The following GJA3 variants were observed in gnomAD, a reference collection of about 807,000 sequenced individuals.
GJA3 encodes gap junction alpha-3 protein.
For missense variants in GJA3, 571 were observed against 620.3 expected, an observed-to-expected ratio of 0.92 and a Z score of 0.84; for synonymous variants, 297 against 292.6, an observed-to-expected ratio of 1.02 and a Z score of -0.15.
Position 20,147,573 on chromosome 13 carries a change from GA to G in GJA3, c.-17-4269del, listed in dbSNP as rs532149334. On this transcript the variant is annotated intron_variant, in intron 1 of 1. Coordinates refer to ENST00000241125, the MANE Select transcript of GJA3 (RefSeq NM_021954.4). ...TTATACACTCTCTTACGTGGACACA[GA>G]AAAAGGAAGAATGATACTGAAATGT... Among the ~76,000 whole-genome samples, 25 of 152,302 alleles carry G rather than the reference GA, an allele frequency of 1.6e-4. No homozygotes were observed. In the East Asian group the frequency reaches 4.4e-3, roughly 27 times the overall value.
chr13:20,148,403 G>T (rs1958856526), intron 1 of GJA3, among the ~76,000 whole-genome samples: 1 of 152,050 alleles, frequency 6.6e-6, no homozygotes, highest in African/African-American at 2.4e-5. Context: ...GGGACTACAG[G>T]TATGCACCAT....
At chr13:20,150,079 TAG>T (rs1958867611) in intron 1 of GJA3, among the ~76,000 whole-genome samples, 1 of 152,060 alleles carries the variant, frequency 6.6e-6, no homozygotes, top group Non-Finnish European at 1.5e-5. Flanking sequence ...AGCGTCTGAC[TAG>T]AGTCAGGGAA....
At chr13:20,145,908 C>A (rs1245461704) in intron 1 of GJA3, among the ~76,000 whole-genome samples, 2 of 152,176 alleles carry the variant, frequency 1.3e-5, no homozygotes, top group Non-Finnish European at 2.9e-5. Context: ...CCTCCCACAG[C>A]CCCACCTGCC....
chr13:20,149,385 T>C (rs1958863280), intron 1 of GJA3, among the ~76,000 whole-genome samples: 1 of 151,992 alleles, frequency 6.6e-6, no homozygotes, highest in Admixed American at 6.6e-5. Flanking sequence ...CGTGGGGGGC[T>C]GTGGTGGGAG....
At position 20,139,519 on chromosome 13, in the gene GJA3, T is replaced by A. The variant is rs960335625; in HGVS notation, c.*2462A>T. On this transcript the variant is annotated 3_prime_UTR_variant, in exon 2 of 2. Transcript: ENST00000241125. The stretch of plus-strand genomic sequence containing the variant: ...GAGAAGGACCCAGCCTTTAGAATCA[T>A]GGATACCTCAAAGAGCAAAAGGATG... 6.6e-6 allele frequency: 1 copy of A among 152,216 alleles called. No individual in the cohort carries two copies. 9.4% of individuals were successfully genotyped at this position (152,216 alleles called of 1,614,324 possible).
In GJA3 at chr13:20,147,666, C is replaced by T. The variant is rs1593336335; in HGVS notation, c.-17-4361G>A. ...CAGTTCTCTGCATTTTCTATGACAA[C>T]ATATCACACTGCTCATCATAAAAGA... is the stretch of plus-strand genomic sequence containing the variant. On this transcript the variant is annotated intron_variant, in intron 1 of 1. Transcript: ENST00000241125. Among the ~76,000 whole-genome samples the T allele has an allele frequency of 1.3e-5, 2 of 152,210 alleles. 1 individual carries two copies. The highest frequency in any genetic ancestry group is 4.1e-4 in the South Asian group (2 of 4,838).
chr13:20,156,035 A>C lies in GJA3; in HGVS notation c.-18+4855T>G, dbSNP rs183043042. 2.6e-5 allele frequency among the ~76,000 whole-genome samples: 4 copies of C among 152,302 alleles called. No homozygotes were observed. The East Asian group carries it at 7.7e-4, about 29-fold the overall frequency. The stretch of plus-strand genomic sequence containing the variant: ...TTAATAGTTCTAAGTCATTGCTAGG[A>C]TTATACATTTTTATATTTTAAATGT... On this transcript the variant is annotated intron_variant, in intron 1 of 1. Coordinates refer to ENST00000241125, the MANE Select transcript of GJA3 (RefSeq NM_021954.4).
chr13:20,138,501 G>C lies in GJA3; in HGVS notation c.*3480C>G, dbSNP rs190526923. 2.6e-5 allele frequency: 4 copies of C among 152,224 alleles called. No homozygotes were observed. The East Asian group carries it at 7.7e-4, about 29-fold the overall frequency. 9.4% of individuals were successfully genotyped at this position (152,224 alleles called of 1,614,324 possible). A position where few individuals can be genotyped will look rare whatever the true frequency, so the allele number is the denominator to read the frequency against. Reference sequence around the variant, plus strand: ...TATTATAATGTTCTGTAACGTAAAGGGGAAAAAATATTTTGGGCAGTCAGA... The same window carrying C: ...TATTATAATGTTCTGTAACGTAAAGCGGAAAAAATATTTTGGGCAGTCAGA... On this transcript the variant is annotated 3_prime_UTR_variant, in exon 2 of 2. Transcript: ENST00000241125.
chr13:20,142,514 A>G lies in GJA3; in HGVS notation c.775T>C (p.Ser259Pro). ...TADPPPLPPS[S>P]RPPAVAIGFP... is the part of the protein sequence containing the mutation. Reference sequence around the variant, plus strand: ...CCGATGGCAACGGCGGGCGGCCGGGAGCTGGGGGGCAGGGGCGGGGGATCG... The same window carrying G: ...CCGATGGCAACGGCGGGCGGCCGGGGGCTGGGGGGCAGGGGCGGGGGATCG... Residue 259 changes from serine (S) to proline (P), a missense_variant, in exon 2 of 2, where the codon TCC (serine) becomes CCC (proline). Coordinates refer to ENST00000241125, the MANE Select transcript of GJA3 (RefSeq NM_021954.4). 6.5e-7 allele frequency: 1 copy of G among 1,549,062 alleles called. No individual in the cohort carries two copies. Among genetic ancestry groups the G allele is most frequent in the Non-Finnish European group, 8.7e-7 (1 of 1,147,750 alleles).
intron 1 of GJA3, among the ~76,000 whole-genome samples, chr13:20,151,038 C>T (rs1029932237): frequency 8.1e-5 from 10 of 122,796 alleles, no homozygotes; most frequent in African/African-American, 2.8e-4. Flanking sequence ...AAGTGGGGCC[C>T]GGGGCCCAGC....
chr13:20,156,451 C>T (rs1171016264), intron 1 of GJA3, among the ~76,000 whole-genome samples: 2 of 152,070 alleles, frequency 1.3e-5, no homozygotes, highest in Non-Finnish European at 1.5e-5. Context: ...GGATTACAGG[C>T]GTGTGTCACC....
chr13:20,161,357 G>A (rs1036602708), upstream of GJA3, among the ~76,000 whole-genome samples: 1 of 152,072 alleles, frequency 6.6e-6, no homozygotes, highest in Non-Finnish European at 1.5e-5. Context: ...GAGGAGAGCC[G>A]AGGGCTGTTG....
rs2141135103 is a variant in GJA3 at position 20,138,285 on chromosome 13, G to C, written c.*3696C>G. ...ACTTAAGGGCACTTTTATTATTTTA[G>C]AAAATGCTTACTTCCAGTTACAATG... is the stretch of plus-strand genomic sequence containing the variant. On this transcript the variant is annotated 3_prime_UTR_variant, in exon 2 of 2. Coordinates refer to ENST00000241125, the MANE Select transcript of GJA3 (RefSeq NM_021954.4). 6.6e-6 allele frequency: 1 copy of C among 152,282 alleles called. No homozygotes were observed. The highest frequency in any genetic ancestry group is 2.1e-4 in the South Asian group (1 of 4,828). 9.4% of individuals were successfully genotyped at this position (152,282 alleles called of 1,614,324 possible). A position where few individuals can be genotyped will look rare whatever the true frequency, so the allele number is the denominator to read the frequency against.
chr13:20,151,431 C>T (rs745487333), intron 1 of GJA3, among the ~76,000 whole-genome samples: 23 of 152,270 alleles, frequency 1.5e-4, no homozygotes, highest in South Asian at 4.1e-4. Context: ...CCCAGGACGG[C>T]GTAGAACAAA....
At chr13:20,158,982 TATC>T (rs1387755179) in intron 1 of GJA3, among the ~76,000 whole-genome samples, 1 of 150,868 alleles carries the variant, frequency 6.6e-6, no homozygotes, top group Non-Finnish European at 1.5e-5. Flanking sequence ...CTAACCTAGT[TATC>T]ATGAGGAATT....
chr13:20,158,912 CAAAAAAAAAAAAAAA>C (rs1159654355), intron 1 of GJA3, among the ~76,000 whole-genome samples: 1 of 54,982 alleles, frequency 1.8e-5, no homozygotes, highest in Non-Finnish European at 3.1e-5. Flanking sequence ...GCAAAACTCT[CAAAAAAAAAAAAAAA>C]AAAAAAAAAG....
At chr13:20,152,315 A>AC (rs1555339973) in intron 1 of GJA3, among the ~76,000 whole-genome samples, 1 of 72 alleles carries the variant, frequency 0.014, no homozygotes, top group South Asian at 0.5. Context: ...AGTCTCTGGA[A>AC]CGAGTCACAG....
chr13:20,153,382 C>G (rs894972362), intron 1 of GJA3, among the ~76,000 whole-genome samples: 1 of 152,118 alleles, frequency 6.6e-6, no homozygotes, highest in Non-Finnish European at 1.5e-5. Context: ...TGGAACCAAC[C>G]CAAATGTCCA....
chr13:20,146,755 G>A (rs1958844976), intron 1 of GJA3, among the ~76,000 whole-genome samples: 2 of 152,250 alleles, frequency 1.3e-5, no homozygotes, highest in Admixed American at 6.5e-5. Context: ...TCTACTTCCA[G>A]GACATCCTAC....
Sources: allele counts gnomAD v4.1 joint callset (sites outside exome capture counted in the v4.1 genomes callset), GRCh38; gene constraint gnomAD v4.1.1; transcripts MANE v1.5; gene names NCBI Gene and HGNC (gene_info 2026-07-23, HGNC 2026-07-21).